EML1: variants seen among roughly 807,000 people sequenced by gnomAD.
The protein encoded by EML1 is EMAP like 1, also known as echinoderm microtubule-associated protein-like 1.
EML1 carries 27 observed loss-of-function variants against 110.4 expected under a neutral mutation model. That is an observed-to-expected ratio of 0.24 (90% CI 0.18 to 0.34). The LOEUF is 0.34. Among genes scored for constraint, EML1 ranks in the 10% least tolerant of loss-of-function variants. The pLI, the probability that EML1 is intolerant of heterozygous loss-of-function variation, is 1.00. For synonymous variants in EML1, 344 were observed against 385.8 expected, an observed-to-expected ratio of 0.89 and a Z score of 1.27; for missense variants, 741 against 1,030.9, an observed-to-expected ratio of 0.72 and a Z score of 3.85.
chr14:99,785,744 C>T (rs138708412), intron 1 of EML1, among the ~76,000 whole-genome samples: 9 of 152,156 alleles, frequency 5.9e-5, no homozygotes, highest in South Asian at 2.1e-4. Flanking sequence ...GTTACCAGAC[C>T]GAATTTACAA....
intron 17 of EML1, among the ~76,000 whole-genome samples, chr14:99,922,248 T>A (rs2060142451): frequency 6.6e-6 from 1 of 151,986 alleles, no homozygotes; most frequent in Non-Finnish European, 1.5e-5. Flanking sequence ...CCCGAGTAGC[T>A]GGGATTACAG....
At chr14:99,737,815 C>T (rs775925182) in exon 1 of EML1, 3 of 1,289,266 alleles carry the variant, frequency 2.3e-6, no homozygotes, top group South Asian at 1.2e-5. Context: ...GGCCAGCCGG[C>T]CGCCCATCTT....
intron 1 of EML1, among the ~76,000 whole-genome samples, chr14:99,775,276 C>T (rs1368785576): frequency 1.3e-5 from 2 of 152,162 alleles, no homozygotes; most frequent in Non-Finnish European, 2.9e-5. Flanking sequence ...AGTGGGTGAA[C>T]TAGGCAAGGC....
At chr14:99,744,511 C>G (rs2057082125) in intron 1 of EML1, among the ~76,000 whole-genome samples, 1 of 152,176 alleles carries the variant, frequency 6.6e-6, no homozygotes, top group Admixed American at 6.5e-5. Flanking sequence ...AATGTCTGCA[C>G]CCCTTTCATT....
intron 2 of EML1, among the ~76,000 whole-genome samples, chr14:99,860,360 G>A (rs1245956100): frequency 6.6e-6 from 1 of 152,036 alleles, no homozygotes; most frequent in African/African-American, 2.4e-5. Context: ...CTTAGCACAT[G>A]ACGAGCAGAA....
At chr14:99,826,763 A>G (rs956537554) in intron 1 of EML1, among the ~76,000 whole-genome samples, 5 of 152,212 alleles carry the variant, frequency 3.3e-5, no homozygotes, top group African/African-American at 1.2e-4. Flanking sequence ...AGACGAGACT[A>G]TTGAAGAATT....
In EML1 at chr14:99,901,715, C is replaced by T. The variant is rs1258853914; in HGVS notation, c.1008+676C>T. On this transcript the variant is annotated intron_variant, in intron 9 of 21. Transcript: ENST00000262233. ...TAGCAGTGAGGACAACCAGAGGTCA[C>T]TCTTGTCGCCATCTTGGTTTTGGCG... Among the ~76,000 whole-genome samples, 5 of 152,300 alleles carry T rather than the reference C, an allele frequency of 3.3e-5. No individual in the cohort carries two copies. In the East Asian group the frequency reaches 7.7e-4, roughly 24 times the overall value.
At chr14:99,756,566 A>G (rs2140181134) in intron 1 of EML1, among the ~76,000 whole-genome samples, 1 of 152,302 alleles carries the variant, frequency 6.6e-6, no homozygotes, top group Admixed American at 6.5e-5. Flanking sequence ...GCCATATGAC[A>G]GTCTAAGCCT....
chr14:99,843,579 G>A lies in EML1; in HGVS notation c.68-7274G>A, dbSNP rs116974446. ...TGTTGCACCTGTTTTATACATAGAG[G>A]CAGATAGAGATTAAGTAGTTTGTCC... On this transcript the variant is annotated intron_variant, in intron 1 of 21. Transcript: ENST00000262233. Among the ~76,000 whole-genome samples, 449 of 152,268 alleles carry A rather than the reference G, an allele frequency of 2.9e-3. 2 individuals are homozygous for A. Among genetic ancestry groups the A allele is most frequent in the Non-Finnish European group, 4.9e-3 (334 of 68,024 alleles).
intron 4 of EML1, among the ~76,000 whole-genome samples, chr14:99,884,918 C>A (rs1364445080): frequency 6.6e-6 from 1 of 152,148 alleles, no homozygotes; most frequent in Non-Finnish European, 1.5e-5. Context: ...AACTCAGGAT[C>A]CCCTTTTTCT....
chr14:99,828,766 T>A (rs2058401500), intron 1 of EML1, among the ~76,000 whole-genome samples: 1 of 152,226 alleles, frequency 6.6e-6, no homozygotes, highest in South Asian at 2.1e-4. Flanking sequence ...TTGTATGTTA[T>A]ATGTATTATA....
intron 5 of EML1, chr14:99,892,051 G>C (rs899767519): frequency 1.4e-6 from 1 of 700,742 alleles, no homozygotes; most frequent in South Asian, 6.4e-5. Flanking sequence ...GGGCAGGTCA[G>C]GTGTTGGCCT....
intron 12 of EML1, among the ~76,000 whole-genome samples, chr14:99,910,852 A>G (rs141558910): frequency 4.6e-4 from 70 of 152,322 alleles, no homozygotes; most frequent in African/African-American, 1.6e-3. Context: ...AAGTCCAGTG[A>G]GCATTTATGA....
chr14:99,840,074 G>A (rs773538489), intron 1 of EML1, among the ~76,000 whole-genome samples: 3 of 152,268 alleles, frequency 2.0e-5, no homozygotes, highest in Non-Finnish European at 4.4e-5. Context: ...GGATGACTCC[G>A]AATATGACAA....
chr14:99,855,771 A>G (rs1206101169), intron 2 of EML1, among the ~76,000 whole-genome samples: 1 of 152,236 alleles, frequency 6.6e-6, no homozygotes, highest in East Asian at 1.9e-4. Context: ...AAAGAATTAT[A>G]ATAATTATTG....
intron 2 of EML1, among the ~76,000 whole-genome samples, chr14:99,863,298 C>T (rs2059034144): frequency 6.6e-6 from 1 of 152,194 alleles, no homozygotes; most frequent in African/African-American, 2.4e-5. Context: ...CCCCCCACTA[C>T]CTTCAGTGAG....
At chr14:99,923,708 TGCTGCAAA>T in intron 17 of EML1, among the ~76,000 whole-genome samples, 1 of 66,894 alleles carries the variant, frequency 1.5e-5, no homozygotes, top group African/African-American at 3.3e-4. Flanking sequence ...GTAGTGTCAC[TGCTGCAAA>T]TTTGTTGTTT....
At chr14:99,808,367 C>T (rs1164046212) in intron 1 of EML1, among the ~76,000 whole-genome samples, 1 of 152,090 alleles carries the variant, frequency 6.6e-6, no homozygotes, top group South Asian at 2.1e-4. Context: ...TTATAAGAGA[C>T]AAGGAGAGAA....
Position 99,941,670 on chromosome 14 carries a change from G to A in EML1, c.*1558G>A, listed in dbSNP as rs565900887. ...CCATTTGCAGATGAGACTGTAGTTT[G>A]CAGATGAGACTGTAGTTTGCAGATG... On this transcript the variant is annotated 3_prime_UTR_variant, in exon 22 of 22. Coordinates refer to ENST00000262233, the MANE Select transcript of EML1 (RefSeq NM_004434.3). 6.6e-6 allele frequency: 1 copy of A among 152,338 alleles called. No individual in the cohort carries two copies. The highest frequency in any genetic ancestry group is 1.9e-4 in the East Asian group (1 of 5,190). The allele number at this position is 152,338 out of a possible 1,614,324, so 9.4% of individuals were successfully genotyped here.
Sources: allele counts gnomAD v4.1 joint callset (sites outside exome capture counted in the v4.1 genomes callset), GRCh38; gene constraint gnomAD v4.1.1; transcripts MANE v1.5; gene names NCBI Gene and HGNC (gene_info 2026-07-23, HGNC 2026-07-21).